Variants in BHMT2 observed in about 807,000 individuals in gnomAD.
The protein encoded by BHMT2 is betaine--homocysteine S-methyltransferase 2, also known as S-methylmethionine--homocysteine S-methyltransferase BHMT2.
A neutral mutation model predicts 39.0 loss-of-function variants in BHMT2; 28 were observed. The observed-to-expected ratio is 0.72, with a 90% CI of 0.53 to 0.98. BHMT2 has a LOEUF of 0.98. Ranked by LOEUF, BHMT2 falls within the 50% of genes least tolerant of loss-of-function variation. The probability of loss-of-function intolerance (pLI) is 0.00; values close to 1 mark genes in which losing one functional copy is unlikely to be tolerated. For missense variants in BHMT2, 410 were observed against 455.6 expected, an observed-to-expected ratio of 0.90 and a Z score of 0.91; for synonymous variants, 145 against 160.6, an observed-to-expected ratio of 0.90 and a Z score of 0.74.
Position 79,083,752 on chromosome 5 carries a change from A to C in BHMT2, c.906A>C (p.Ala302=). 1 of 1,614,146 alleles carries C rather than the reference A, an allele frequency of 6.2e-7. No individual in the cohort carries two copies. Among genetic ancestry groups the C allele is most frequent in the Non-Finnish European group, 8.5e-7 (1 of 1,180,032 alleles). The change falls in exon 7 of 8, where the codon GCA becomes GCC. Residue 302 remains alanine, a synonymous_variant. Transcript: ENST00000255192. ...GFEPYHIRAI[A]EELAPERGFL... ...AGCCCTACCACATCAGGGCAATTGCAGAGGAGCTGGCCCCAGAAAGGGGCT... is the reference window on the plus strand; with the variant it reads ...AGCCCTACCACATCAGGGCAATTGCCGAGGAGCTGGCCCCAGAAAGGGGCT...
Position 79,080,803 on chromosome 5 carries a change from A to G in BHMT2, c.375A>G (p.Glu125=), listed in dbSNP as rs1410239795. Residue 125 remains glutamate, a synonymous_variant, in exon 4 of 8, where the codon GAA becomes GAG. Transcript: ENST00000255192. The part of the protein sequence containing the change: ...QTSIYKYQKD[E]ARIKKLFRQQ... ...CAATATACAAATACCAGAAGGATGA[A>G]GCTAGAATTAAAAAACTTTTTCGAC... 1 of 1,605,330 alleles carries G rather than the reference A, an allele frequency of 6.2e-7. No individual in the cohort carries two copies. Among genetic ancestry groups the G allele is most frequent in the African/African-American group, 1.3e-5 (1 of 74,286 alleles).
At chr5:79,079,709 A>G (rs1384437428) in intron 3 of BHMT2, among the ~76,000 whole-genome samples, 1 of 152,204 alleles carries the variant, frequency 6.6e-6, no homozygotes, top group African/African-American at 2.4e-5. Context: ...CAGCCTGGAC[A>G]ACATGGTGAA....
chr5:79,088,398 G>GTGTGTGTGTGTGTGTGTGT, intron 7 of BHMT2, 95 bp from the exon 8 acceptor site: 1 of 609,764 alleles, frequency 1.6e-6, no homozygotes, highest in Non-Finnish European at 2.8e-6. Flanking sequence ...GTGTGTGTGT[G>GTGTGTGTGTGTGTGTGTGT]GTTATATACA....
At chr5:79,072,155 T>C (rs1755592229) in intron 1 of BHMT2, among the ~76,000 whole-genome samples, 1 of 152,008 alleles carries the variant, frequency 6.6e-6, no homozygotes, top group African/African-American at 2.4e-5. Context: ...TAATCCCAGC[T>C]ACTTGCGAGG....
At chr5:79,087,708 A>G (rs1021844806) in intron 7 of BHMT2, among the ~76,000 whole-genome samples, 1 of 152,238 alleles carries the variant, frequency 6.6e-6, no homozygotes, top group African/African-American at 2.4e-5. Context: ...TTGTCTAACA[A>G]CAAGAAACAA....
intron 4 of BHMT2, among the ~76,000 whole-genome samples, chr5:79,081,286 G>T (rs1043536547): frequency 6.6e-6 from 1 of 152,158 alleles, no homozygotes; most frequent in Non-Finnish European, 1.5e-5. Context: ...GGCTATCCAG[G>T]CTCGTCTAGG....
chr5:79,080,519 G>T (rs1367817918), intron 3 of BHMT2, among the ~76,000 whole-genome samples, 168 bp from the exon 4 acceptor site: 2 of 152,090 alleles, frequency 1.3e-5, no homozygotes, highest in African/African-American at 4.8e-5. Flanking sequence ...GGAAATATAA[G>T]GTCATGGTAA....
chr5:79,082,472 AC>A (rs541467506), intron 4 of BHMT2: 59 of 183,160 alleles, frequency 3.2e-4, no homozygotes, highest in African/African-American at 1.3e-3. Context: ...TATTAGCAAA[AC>A]TTTTCCTCCT....
chr5:79,071,845 A>AAAAAAAAT (rs1554039290), intron 1 of BHMT2, among the ~76,000 whole-genome samples: 4 of 144,474 alleles, frequency 2.8e-5, no homozygotes, highest in African/African-American at 7.8e-5. Flanking sequence ...AAAAAAAAAA[A>AAAAAAAAT]CTAAAGAAGG....
chr5:79,078,998 A>T (rs115826417), intron 2 of BHMT2, among the ~76,000 whole-genome samples: 29 of 152,186 alleles, frequency 1.9e-4, no homozygotes, highest in African/African-American at 6.5e-4. Flanking sequence ...GAAGCTCCTC[A>T]CTTTACTTTA....
intron 1 of BHMT2, among the ~76,000 whole-genome samples, chr5:79,071,845 A>AAAAAAAAAT (rs1554039290): frequency 6.9e-6 from 1 of 144,530 alleles, no homozygotes. Flanking sequence ...AAAAAAAAAA[A>AAAAAAAAAT]CTAAAGAAGG....
At chr5:79,088,453 A>G (rs2112707546) in intron 7 of BHMT2, 40 bp from the exon 8 acceptor site, 1 of 1,534,418 alleles carries the variant, frequency 6.5e-7, no homozygotes, top group East Asian at 2.3e-5. Flanking sequence ...CTTATAGGTA[A>G]GACTTTTAAT....
intron 6 of BHMT2, 63 bp downstream of exon 6, chr5:79,083,437 T>C: frequency 6.6e-7 from 1 of 1,526,646 alleles, no homozygotes; most frequent in South Asian, 1.3e-5. Flanking sequence ...ATGGCTATAA[T>C]AAATTGTGGC....
Position 79,083,845 on chromosome 5 carries a change from G to C in BHMT2, c.999G>C (p.Trp333Cys), listed in dbSNP as rs1755842146. 1.9e-6 allele frequency: 3 copies of C among 1,613,532 alleles called. No individual in the cohort carries two copies. The highest frequency in any genetic ancestry group is 1.3e-5 in the African/African-American group (1 of 74,906). ...GTTTGGACATGCACACCAAACCCTGGATTAGAGCAAGGTAAGCATTTTTAA... is the reference window on the plus strand; with the variant it reads ...GTTTGGACATGCACACCAAACCCTGCATTAGAGCAAGGTAAGCATTTTTAA... The part of the protein sequence containing the change: ...GSGLDMHTKP[W>C]IRARARREYW... The change falls in exon 7 of 8, where the codon TGG (tryptophan) becomes TGC (cysteine). Residue 333 changes from tryptophan (W) to cysteine (C), a missense_variant. Physicochemically the swap from Trp to Cys is radical, Grantham distance 215 (BLOSUM62 -2). Coordinates refer to ENST00000255192, the MANE Select transcript of BHMT2 (RefSeq NM_017614.5).
intron 7 of BHMT2, among the ~76,000 whole-genome samples, chr5:79,086,335 G>T (rs1286038886): frequency 6.6e-6 from 1 of 152,130 alleles, no homozygotes; most frequent in African/African-American, 2.4e-5. Flanking sequence ...CTGGCCCATT[G>T]TTCTCTTGTG....
In BHMT2 at chr5:79,088,933, G is replaced by T. The variant is rs1289405463; in HGVS notation, c.*359G>T. 7 of 175,078 alleles carry T rather than the reference G, an allele frequency of 4.0e-5. No homozygotes were observed. The highest frequency in any genetic ancestry group is 8.4e-5 in the Non-Finnish European group (7 of 83,124). The allele number at this position is 175,078 out of a possible 1,614,324, so 10.8% of individuals were successfully genotyped here. On this transcript the variant is annotated 3_prime_UTR_variant, in exon 8 of 8. Coordinates refer to ENST00000255192, the MANE Select transcript of BHMT2 (RefSeq NM_017614.5). ...CTTTAAAATAATCAGAAGTCACTGA[G>T]ACCCAAAGCTAGTGAATAATTCAAG...
intron 1 of BHMT2, among the ~76,000 whole-genome samples, chr5:79,072,077 G>C (rs1361395255): frequency 6.6e-6 from 1 of 152,032 alleles, no homozygotes; most frequent in Non-Finnish European, 1.5e-5. Flanking sequence ...GACCACACTG[G>C]ACAACATGGT....
chr5:79,077,636 T>C (rs755735242), intron 2 of BHMT2, 24 bp downstream of exon 2: 2 of 1,599,810 alleles, frequency 1.3e-6, no homozygotes, highest in African/African-American at 1.3e-5. Flanking sequence ...TCCCCAAGAG[T>C]GTCTACCTGA....
chr5:79,086,756 A>G (rs1208015907), intron 7 of BHMT2, among the ~76,000 whole-genome samples: 1 of 152,068 alleles, frequency 6.6e-6, no homozygotes, highest in East Asian at 1.9e-4. Flanking sequence ...TTGGTTTTCT[A>G]GGGATTTCTG....
Sources: gnomAD v4.1 joint callset for allele counts (sites outside exome capture counted in the v4.1 genomes callset) on GRCh38, gnomAD v4.1.1 for gene constraint, MANE v1.5 for transcripts, NCBI Gene and HGNC (gene_info 2026-07-23, HGNC 2026-07-21) for gene names.